BRSK1: variants seen among roughly 807,000 people sequenced by gnomAD.
The protein encoded by BRSK1 is serine/threonine-protein kinase BRSK1.
BRSK1 carries 17 observed loss-of-function variants against 86.2 expected under a neutral mutation model. That is an observed-to-expected ratio of 0.20 (90% CI 0.14 to 0.30). BRSK1 has a LOEUF of 0.30. Among genes scored for constraint, BRSK1 ranks in the 10% least tolerant of loss-of-function variants. The pLI, the probability that BRSK1 is intolerant of heterozygous loss-of-function variation, is 1.00. For synonymous variants in BRSK1, 464 were observed against 440.1 expected (o/e 1.05, Z -0.68); for missense variants, 719 against 1,071.9 (o/e 0.67, Z 4.60).
intron 7 of BRSK1, among the ~76,000 whole-genome samples, chr19:55,295,923 C>A (rs1474867065): frequency 6.6e-6 from 1 of 152,086 alleles, no homozygotes. Context: ...GAGTTGAGAT[C>A]GCGTCACTGC....
intron 3 of BRSK1, among the ~76,000 whole-genome samples, chr19:55,289,215 G>A (rs184313216): frequency 3.3e-5 from 5 of 152,244 alleles, no homozygotes; most frequent in African/African-American, 1.2e-4. Flanking sequence ...GGGCTAATGG[G>A]ACTTGAGTTT....
intron 7 of BRSK1, among the ~76,000 whole-genome samples, chr19:55,296,390 C>A (rs944967459): frequency 1.3e-5 from 2 of 152,138 alleles, no homozygotes; most frequent in Non-Finnish European, 2.9e-5. Context: ...CCAGTGAACA[C>A]CTGTAGTGAG....
intron 1 of BRSK1, 94 bp downstream of exon 1, chr19:55,284,672 T>G: frequency 9.2e-7 from 1 of 1,082,556 alleles, no homozygotes; most frequent in Admixed American, 4.4e-5. Flanking sequence ...AGGGGCTGGC[T>G]GCCCAGACCC....
chr19:55,289,454 C>T (rs1370259389), intron 3 of BRSK1, 26 bp from the exon 4 acceptor site: 3 of 1,599,436 alleles, frequency 1.9e-6, no homozygotes, highest in African/African-American at 1.3e-5. Flanking sequence ...CCCCTTCCAG[C>T]CCTCTGCCCC....
Position 55,302,248 on chromosome 19 carries a change from G to T in BRSK1, c.857+80G>T. On this transcript the variant is annotated intron_variant, in intron 9 of 18. Transcript: ENST00000309383. This position sits in a 1 kb window ranked among gnomAD's most constrained non-coding sequence, Gnocchi z 6.3. ...AAAGCAGTAGAAGCGGCTGGGAGGG[G>T]TGGGATGCCAGGGTTCCTGAGAGGC... 2 of 1,546,358 alleles carry T rather than the reference G, an allele frequency of 1.3e-6. No individual in the cohort carries two copies. Among genetic ancestry groups the T allele is most frequent in the Non-Finnish European group, 1.8e-6 (2 of 1,118,742 alleles).
Position 55,308,756 on chromosome 19 carries a change from G to A in BRSK1, c.2179+28G>A, listed in dbSNP as rs1332051529. 4 of 504,224 alleles carry A rather than the reference G, an allele frequency of 7.9e-6. No homozygotes were observed. The African/African-American group carries it at 8.1e-5, about 10-fold the overall frequency. 31.2% of individuals were successfully genotyped at this position (504,224 alleles called of 1,614,324 possible). ...GGGTGGTGGGGCCGTGGGTGGTGGG[G>A]GGCGTGGGTGGCGGGGGCCGTGGGT... On this transcript the variant is annotated intron_variant, in intron 18 of 18. Coordinates refer to ENST00000309383, the MANE Select transcript of BRSK1 (RefSeq NM_032430.2).
At chr19:55,307,735 C>CA (rs1486396933) in intron 17 of BRSK1, among the ~76,000 whole-genome samples, 1 of 117,050 alleles carries the variant, frequency 8.5e-6, no homozygotes, top group Non-Finnish European at 1.7e-5. Context: ...ACAAAACAAA[C>CA]AAAAAAATTT....
chr19:55,304,788 A>C lies in BRSK1; in HGVS notation c.1585A>C (p.Thr529Pro). Residue 529 changes from threonine (T) to proline (P), a missense_variant, in exon 14 of 19, where the codon ACC becomes CCC. Thr to Pro is a conservative substitution (Grantham distance 38). This residue lies in a region of BRSK1 where 143 missense variants were observed against 120.1 expected (regional missense o/e 1.19). Transcript: ENST00000309383. The surrounding 1 kb of genome is among the most constrained non-coding windows in gnomAD (Gnocchi z 5.2). ...TCTGCACACGCCCCGGGCCAGTCCCACCGGGACCCCGGGGACAACACCACC... is the reference window on the plus strand; with the variant it reads ...TCTGCACACGCCCCGGGCCAGTCCCCCCGGGACCCCGGGGACAACACCACC... Reference protein sequence around the residue: ...SPLHTPRASPTGTPGTTPPPS... With the variant: ...SPLHTPRASPPGTPGTTPPPS... 1.9e-6 allele frequency: 3 copies of C among 1,562,570 alleles called. No individual in the cohort carries two copies. Among genetic ancestry groups the C allele is most frequent in the African/African-American group, 1.4e-5 (1 of 73,156 alleles).
intron 8 of BRSK1, among the ~76,000 whole-genome samples, chr19:55,301,899 C>T (rs944471339): frequency 2.0e-5 from 3 of 152,198 alleles, no homozygotes; most frequent in Admixed American, 2.0e-4. Context: ...AGGAGGCGAA[C>T]AGGATGCCAC....
chr19:55,296,419 C>T (rs1215357000), intron 7 of BRSK1, among the ~76,000 whole-genome samples: 6 of 152,108 alleles, frequency 3.9e-5, no homozygotes, highest in African/African-American at 7.2e-5. Context: ...AGCAGTTGTC[C>T]GGGCGCAATG....
intron 4 of BRSK1, among the ~76,000 whole-genome samples, chr19:55,292,833 CA>C (rs71181750): frequency 0.52 from 69,525 of 132,742 alleles, 16,650 homozygotes; most frequent in Middle Eastern, 0.61. Flanking sequence ...GACTCTGTCT[CA>C]AAAAAAAAAA....
At position 55,302,943 on chromosome 19, in the gene BRSK1, G is replaced by A. The variant is rs1435729132; in HGVS notation, c.1028+76G>A. 69 of 1,536,660 alleles carry A rather than the reference G, an allele frequency of 4.5e-5. 1 individual carries two copies. In the South Asian group the frequency reaches 8.4e-4, roughly 19 times the overall value. On this transcript the variant is annotated intron_variant, in intron 10 of 18. Coordinates refer to ENST00000309383, the MANE Select transcript of BRSK1 (RefSeq NM_032430.2). The surrounding 1 kb of genome is among the most constrained non-coding windows in gnomAD (Gnocchi z 6.3). ...GCAGCTCCCTGCGCACATGCAGAGTGCTGGGCGAGGAACCCTGGCCTCTCA... is the reference window on the plus strand; with the variant it reads ...GCAGCTCCCTGCGCACATGCAGAGTACTGGGCGAGGAACCCTGGCCTCTCA...
At chr19:55,296,827 G>A (rs372268873) in intron 7 of BRSK1, among the ~76,000 whole-genome samples, 11 of 151,718 alleles carry the variant, frequency 7.3e-5, no homozygotes, top group East Asian at 2.0e-4. Context: ...CAGCCTGGGC[G>A]ACAGAGCGAG....
rs1390930437 is a variant in BRSK1, at chr19:55,284,348, C to T, written c.-95C>T. The T allele has an allele frequency of 1.1e-6, 1 of 898,858 alleles. No homozygotes were observed. Among genetic ancestry groups the T allele is most frequent in the Non-Finnish European group, 1.5e-6 (1 of 680,306 alleles). 55.7% of individuals were successfully genotyped at this position (898,858 alleles called of 1,614,324 possible). On this transcript the variant is annotated 5_prime_UTR_variant, in exon 1 of 19. Transcript: ENST00000309383. ...AGAGGTGGGGGGCAGCCGGGGGGGC[C>T]GGGACGGAGCGGTCGCCGGCCCCCA...
At position 55,298,967 on chromosome 19, in the gene BRSK1, C is replaced by T. The variant is rs555019825; in HGVS notation, c.679-2545C>T. Among the ~76,000 whole-genome samples, 3 of 152,234 alleles carry T rather than the reference C, an allele frequency of 2.0e-5. No homozygotes were observed. The South Asian group carries it at 6.2e-4, about 31-fold the overall frequency. On this transcript the variant is annotated intron_variant, in intron 7 of 18. Transcript: ENST00000309383. ...GGTGTCTTTAAGCTGGGTGCGGTGG[C>T]TCACGCCTGTAATCCCAGCACTTTA...
At chr19:55,300,372 A>T (rs950132760) in intron 7 of BRSK1, among the ~76,000 whole-genome samples, 7 of 152,168 alleles carry the variant, frequency 4.6e-5, no homozygotes, top group African/African-American at 1.7e-4. Context: ...GACTTGCCTG[A>T]GGTCATGCAG....
chr19:55,286,483 C>A (rs892549329), intron 1 of BRSK1, among the ~76,000 whole-genome samples: 3 of 147,312 alleles, frequency 2.0e-5, no homozygotes, highest in Non-Finnish European at 4.5e-5. Flanking sequence ...GGAGGGTGAT[C>A]TGGGGAGGGG....
rs1444904151 is a variant in BRSK1 at position 55,302,426 on chromosome 19, G to A, written c.857+258G>A. On this transcript the variant is annotated intron_variant, in intron 9 of 18. Coordinates refer to ENST00000309383, the MANE Select transcript of BRSK1 (RefSeq NM_032430.2). The surrounding 1 kb of genome is among the most constrained non-coding windows in gnomAD (Gnocchi z 6.3). ...ACTGGGGGCCTGGACTCCTGGATCC[G>A]AGGGAGGAGGGGCTGGGGGCCTGGA... 14 of 612,402 alleles carry A rather than the reference G, an allele frequency of 2.3e-5. No individual in the cohort carries two copies. Among genetic ancestry groups the A allele is most frequent in the Non-Finnish European group, 3.4e-5 (12 of 349,752 alleles). The allele number at this position is 612,402 out of a possible 1,614,324, so 37.9% of individuals were successfully genotyped here.
chr19:55,286,156 G>C (rs2088311880), intron 1 of BRSK1, among the ~76,000 whole-genome samples: 1 of 144,716 alleles, frequency 6.9e-6, no homozygotes, highest in Admixed American at 6.9e-5. Context: ...AGGGGCTGGG[G>C]GGGCTGGATT....
Sources: allele counts gnomAD v4.1 joint callset (sites outside exome capture counted in the v4.1 genomes callset), GRCh38; gene constraint gnomAD v4.1.1; regional missense constraint gnomAD v4.1.1; non-coding constraint Gnocchi (gnomAD v3.1); transcripts MANE v1.5; gene names NCBI Gene and HGNC (gene_info 2026-07-23, HGNC 2026-07-21).